Variants in ZNF718 observed in about 807,000 individuals in gnomAD.
ZNF718 encodes the protein zinc finger protein 718.
Under a neutral mutation model 2.6 loss-of-function variants are expected in ZNF718, and 3 were observed. The ratio of observed to expected loss-of-function variants is 1.16; its 90% CI spans 0.53 to 3.01. ZNF718 has a LOEUF of 3.01. ZNF718 is among the 30% of genes most tolerant of loss of function. The pLI is 0.03. For missense variants in ZNF718, 468 were observed against 230.0 expected (o/e 2.03, Z -6.69); for synonymous variants, 135 against 77.9 (o/e 1.73, Z -3.86).
chr4:138,781 C>T (rs948125100), intron 3 of ZNF718, among the ~76,000 whole-genome samples: 3 of 152,118 alleles, frequency 2.0e-5, no homozygotes, highest in Non-Finnish European at 4.4e-5. Context: ...CTTTTCTCCA[C>T]ATCCTCACCA....
In ZNF718 at chr4:189,269, A is replaced by G. The variant is rs375121048; in HGVS notation, c.227-11812A>G. On this transcript the variant is annotated intron_variant and NMD_transcript_variant, in intron 3 of 4. Coordinates refer to the ZNF718 transcript ENST00000642529. ...GGGTATTTTGATCATAACGTTTCTTATTGATAACCTTGAATATTAGATATA... is the reference window on the plus strand; with the variant it reads ...GGGTATTTTGATCATAACGTTTCTTGTTGATAACCTTGAATATTAGATATA... 5.3e-5 allele frequency among the ~76,000 whole-genome samples: 8 copies of G among 151,942 alleles called. No individual in the cohort carries two copies. The East Asian group carries it at 1.5e-3, about 29-fold the overall frequency.
At chr4:173,809 C>A (rs948321320) in intron 3 of ZNF718, among the ~76,000 whole-genome samples, 5 of 152,022 alleles carry the variant, frequency 3.3e-5, no homozygotes, top group African/African-American at 1.2e-4. Flanking sequence ...TTTGGCTGAG[C>A]GAGGGATGAA....
At chr4:166,516 T>C (rs1581469859), downstream of ZNF718, among the ~76,000 whole-genome samples, 1 of 152,290 alleles carries the variant, frequency 6.6e-6, no homozygotes, top group East Asian at 1.9e-4. Flanking sequence ...CACCTGTTGT[T>C]TTCTGACTTT....
At chr4:133,636 C>T (rs1715429389) in intron 3 of ZNF718, among the ~76,000 whole-genome samples, 2 of 152,090 alleles carry the variant, frequency 1.3e-5, no homozygotes, top group Non-Finnish European at 2.9e-5. Flanking sequence ...GTAAGTGAAG[C>T]AACATATTAA....
At chr4:189,059 A>ATTT (rs1228743332) in intron 3 of ZNF718, among the ~76,000 whole-genome samples, 1 of 134,822 alleles carries the variant, frequency 7.4e-6, no homozygotes, top group Admixed American at 7.4e-5. Context: ...TCTGTAGATT[A>ATTT]TTTTTTTTTT....
intron 3 of ZNF718, among the ~76,000 whole-genome samples, chr4:147,548 CTGAGA>C (rs1426963127): frequency 2.0e-5 from 3 of 152,086 alleles, no homozygotes; most frequent in South Asian, 2.1e-4. Context: ...CGTCTGTTTT[CTGAGA>C]ACACCAAACT....
chr4:188,850 A>C (rs1553820752), intron 3 of ZNF718, among the ~76,000 whole-genome samples: 2 of 152,128 alleles, frequency 1.3e-5, no homozygotes, highest in African/African-American at 4.8e-5. Flanking sequence ...TAGGTCCTCA[A>C]AATCTATCCT....
intron 3 of ZNF718, among the ~76,000 whole-genome samples, chr4:142,408 C>G (rs540889626): frequency 1.3e-5 from 2 of 152,226 alleles, no homozygotes; most frequent in East Asian, 3.9e-4. Context: ...GATGAAAGCC[C>G]AGTCAGTGTA....
At position 131,498 on chromosome 4, in the gene ZNF718, AC is replaced by A; in HGVS notation, c.224del (p.Pro75GlnfsTer17). 2.2e-6 allele frequency: 1 copy of A among 461,080 alleles called. No individual in the cohort carries two copies. Among genetic ancestry groups the A allele is most frequent in the Non-Finnish European group, 3.5e-6 (1 of 286,010 alleles). 28.6% of individuals were successfully genotyped at this position (461,080 alleles called of 1,614,324 possible). On this transcript the variant is annotated frameshift_variant, in exon 3 of 4. Coordinates refer to ENST00000510175, the MANE Select transcript of ZNF718 (RefSeq NM_001039127.6). LOFTEE classifies it low-confidence loss of function (END_TRUNC). ...TGAAGATACATGAAACAGCAGCCAG[AC>A]CCCCAGGTAGGTGAGAGTGAATGGA... ...NLKIHETAAR[P>X]PAVCSHFTQN...
downstream of ZNF718, among the ~76,000 whole-genome samples, chr4:166,055 GAGTTCTCACTGTTC>G (rs1268346007): frequency 5.3e-5 from 8 of 152,068 alleles, no homozygotes; most frequent in East Asian, 1.5e-3. Context: ...CTGTGTCCAT[GAGTTCTCACTGTTC>G]AATTCCCACC....
At chr4:174,378 T>G (rs1052993063) in intron 3 of ZNF718, among the ~76,000 whole-genome samples, 26 of 152,304 alleles carry the variant, frequency 1.7e-4, no homozygotes, top group Non-Finnish European at 3.2e-4. Context: ...GAATATATCC[T>G]AAAACATGAA....
intron 3 of ZNF718, among the ~76,000 whole-genome samples, chr4:184,172 G>C (rs1416418686): frequency 6.6e-6 from 1 of 151,960 alleles, no homozygotes; most frequent in Non-Finnish European, 1.5e-5. Context: ...ATTATTTTGA[G>C]GTACATTCCT....
downstream of ZNF718, among the ~76,000 whole-genome samples, chr4:165,838 A>G (rs1238240368): frequency 7.1e-6 from 1 of 141,390 alleles, no homozygotes; most frequent in Non-Finnish European, 1.5e-5. Flanking sequence ...TAGGTGAGAT[A>G]TTTTACGTTC....
At chr4:195,575 T>C (rs576165243) in intron 3 of ZNF718, among the ~76,000 whole-genome samples, 6 of 150,186 alleles carry the variant, frequency 4.0e-5, no homozygotes, top group African/African-American at 1.4e-4. Flanking sequence ...GTTAGTGAGC[T>C]ACGTTTTTGC....
At chr4:152,170 G>A (rs1553812667) in intron 3 of ZNF718, among the ~76,000 whole-genome samples, 1 of 147,092 alleles carries the variant, frequency 6.8e-6, no homozygotes, top group Non-Finnish European at 1.5e-5. Context: ...GCATACAATC[G>A]GGTTTTATAC....
intron 3 of ZNF718, chr4:149,795 T>C (rs1010584866): frequency 6.6e-6 from 1 of 152,176 alleles, no homozygotes; most frequent in African/African-American, 2.4e-5. Flanking sequence ...TCTTATTACA[T>C]ATTATTCTGT....
chr4:183,202 T>A (rs1361363785), intron 3 of ZNF718, among the ~76,000 whole-genome samples: 1 of 152,236 alleles, frequency 6.6e-6, no homozygotes, highest in Non-Finnish European at 1.5e-5. Flanking sequence ...GGATTCAGTT[T>A]CAGTTTTCTG....
At chr4:174,544 CTG>C (rs1184999360) in intron 3 of ZNF718, among the ~76,000 whole-genome samples, 7 of 152,226 alleles carry the variant, frequency 4.6e-5, no homozygotes, top group African/African-American at 1.7e-4. Flanking sequence ...CATCTCGTGT[CTG>C]TAATAATCCT....
rs144885915 is a variant in ZNF718, at chr4:163,813, A to C, written c.*1691A>C. ...TTTCCAGTGGCTTTAAACAGCAAAT[A>C]AGTTGAAGAATATTGTTCTCATGTT... On this transcript the variant is annotated 3_prime_UTR_variant, in exon 4 of 4. Transcript: ENST00000510175. 2.0e-5 allele frequency: 3 copies of C among 152,176 alleles called. No homozygotes were observed. Among genetic ancestry groups the C allele is most frequent in the African/African-American group, 7.2e-5 (3 of 41,546 alleles). The allele number at this position is 152,176 out of a possible 1,614,324, so 9.4% of individuals were successfully genotyped here. A position where few individuals can be genotyped will look rare whatever the true frequency, so the allele number is the denominator to read the frequency against.
Sources: allele counts gnomAD v4.1 joint callset (sites outside exome capture counted in the v4.1 genomes callset), GRCh38; gene constraint gnomAD v4.1.1; transcripts MANE v1.5; gene names NCBI Gene and HGNC (gene_info 2026-07-23, HGNC 2026-07-21).